FBLN5: variants seen among roughly 807,000 people sequenced by gnomAD.
FBLN5 encodes the protein fibulin-5.
Under a neutral mutation model 61.6 loss-of-function variants are expected in FBLN5, and 24 were observed. The observed-to-expected ratio is 0.39, with a 90% CI of 0.28 to 0.55. FBLN5 has a LOEUF of 0.55. Ranked by LOEUF, FBLN5 falls within the 20% of genes least tolerant of loss-of-function variation. The probability of loss-of-function intolerance (pLI) is 0.65; values close to 1 mark genes in which losing one functional copy is unlikely to be tolerated. For synonymous variants in FBLN5, 213 were observed against 219.8 expected, an observed-to-expected ratio of 0.97 and a Z score of 0.27; for missense variants, 470 against 594.1, an observed-to-expected ratio of 0.79 and a Z score of 2.17.
chr14:91,917,780 A>G (rs1351536569), intron 4 of FBLN5, among the ~76,000 whole-genome samples: 2 of 152,156 alleles, frequency 1.3e-5, no homozygotes, highest in African/African-American at 4.8e-5. Context: ...TTGCTTCATC[A>G]AAAGCCACAG....
At chr14:91,913,890 G>A (rs984597545) in intron 4 of FBLN5, among the ~76,000 whole-genome samples, 3 of 152,178 alleles carry the variant, frequency 2.0e-5, no homozygotes, top group Non-Finnish European at 4.4e-5. Context: ...TGGATAACAA[G>A]AAGTGATTAC....
chr14:91,883,362 C>T (rs1031175397), intron 7 of FBLN5, among the ~76,000 whole-genome samples: 6 of 152,140 alleles, frequency 3.9e-5, no homozygotes, highest in African/African-American at 1.4e-4. Flanking sequence ...CTCGGCTGCA[C>T]CTTCCATTCA....
intron 4 of FBLN5, among the ~76,000 whole-genome samples, chr14:91,914,689 G>T (rs1164028265): frequency 6.6e-6 from 1 of 150,806 alleles, no homozygotes. Flanking sequence ...AGAAAGAAAA[G>T]AATAAAAAAC....
intron 4 of FBLN5, among the ~76,000 whole-genome samples, chr14:91,913,255 T>C (rs1421901311): frequency 6.6e-6 from 1 of 152,142 alleles, no homozygotes; most frequent in Non-Finnish European, 1.5e-5. Flanking sequence ...CATTTCCCCA[T>C]TTTTAAAATG....
At chr14:91,915,460 T>A (rs1595331365) in intron 4 of FBLN5, among the ~76,000 whole-genome samples, 1 of 151,618 alleles carries the variant, frequency 6.6e-6, no homozygotes, top group African/African-American at 2.4e-5. Context: ...CCAAGGCGGG[T>A]GGATCACGAG....
chr14:91,933,461 T>C (rs998135484), intron 4 of FBLN5, among the ~76,000 whole-genome samples: 4 of 151,760 alleles, frequency 2.6e-5, no homozygotes, highest in African/African-American at 9.7e-5. Flanking sequence ...TTTTAGGGGG[T>C]TTCATCATGT....
rs1422855137 is a variant in FBLN5, at chr14:91,947,417, C to A, written c.-188G>T. On this transcript the variant is annotated 5_prime_UTR_variant, in exon 1 of 11. Transcript: ENST00000342058. This position sits in a 1 kb window ranked among gnomAD's most constrained non-coding sequence, Gnocchi z 4.3. ...CGGGGTCCTCCCAGCCACTGCAGAG[C>A]CCTCAGCGCAAGCACCTGGTTTTGC... 1.0e-5 allele frequency: 7 copies of A among 673,554 alleles called. No homozygotes were observed. The highest frequency in any genetic ancestry group is 1.6e-5 in the Non-Finnish European group (6 of 374,366). 41.7% of individuals were successfully genotyped at this position (673,554 alleles called of 1,614,324 possible).
intron 1 of FBLN5, among the ~76,000 whole-genome samples, chr14:91,945,400 C>T (rs1480229869): frequency 6.6e-6 from 1 of 152,014 alleles, no homozygotes; most frequent in Non-Finnish European, 1.5e-5. Flanking sequence ...TGGGGAGCCA[C>T]GACAATGTCC....
chr14:91,938,141 AAG>A (rs2056049494), intron 3 of FBLN5, among the ~76,000 whole-genome samples: 1 of 152,210 alleles, frequency 6.6e-6, no homozygotes, highest in African/African-American at 2.4e-5. Flanking sequence ...TCAGGGGAGA[AAG>A]AGTCTCTTGC....
At chr14:91,935,944 G>A (rs1410356413) in intron 4 of FBLN5, among the ~76,000 whole-genome samples, 6 of 152,102 alleles carry the variant, frequency 3.9e-5, no homozygotes, top group Non-Finnish European at 8.8e-5. Context: ...AGAAGTTTGG[G>A]TTCAAGCATA....
intron 4 of FBLN5, among the ~76,000 whole-genome samples, chr14:91,902,470 T>G (rs1890501144): frequency 6.6e-6 from 1 of 152,192 alleles, no homozygotes; most frequent in Non-Finnish European, 1.5e-5. Context: ...ATTGCCTGAC[T>G]AAATCAGAAT....
chr14:91,914,432 C>A (rs551267464), intron 4 of FBLN5, among the ~76,000 whole-genome samples: 1 of 127,296 alleles, frequency 7.9e-6, no homozygotes, highest in African/African-American at 3.0e-5. Context: ...GAGCCGAGAT[C>A]ATGCCACTGC....
chr14:91,946,677 A>C, intron 1 of FBLN5: 1 of 1,491,504 alleles, frequency 6.7e-7, no homozygotes, highest in Admixed American at 2.0e-5. Context: ...CTGTAATTGC[A>C]ATTTCCTTAA....
At chr14:91,945,830 A>G (rs1167318424) in intron 1 of FBLN5, among the ~76,000 whole-genome samples, 1 of 152,216 alleles carries the variant, frequency 6.6e-6, no homozygotes, top group Non-Finnish European at 1.5e-5. Context: ...GACCTTATAA[A>G]GTGCAGAGCC....
Position 91,882,896 on chromosome 14 carries a change from C to G in FBLN5, c.862+58G>C. 6.3e-7 allele frequency: 1 copy of G among 1,599,734 alleles called. No homozygotes were observed. Among genetic ancestry groups the G allele is most frequent in the East Asian group, 2.3e-5 (1 of 44,432 alleles). The stretch of plus-strand genomic sequence containing the variant: ...CCAGGTGAGGATATCCAGATGAGCC[C>G]CTGAAGCAGCTCCACCTCACACATA... On this transcript the variant is annotated intron_variant, in intron 8 of 10. Coordinates refer to ENST00000342058, the MANE Select transcript of FBLN5 (RefSeq NM_006329.4). This position sits in a 1 kb window ranked among gnomAD's most constrained non-coding sequence, Gnocchi z 4.9.
intron 4 of FBLN5, among the ~76,000 whole-genome samples, chr14:91,932,000 T>C (rs1277957777): frequency 6.6e-6 from 1 of 152,168 alleles, no homozygotes; most frequent in East Asian, 1.9e-4. Context: ...TCTACGTATG[T>C]GTTTGATTTG....
At chr14:91,875,409 C>T (rs778346731) in intron 10 of FBLN5, among the ~76,000 whole-genome samples, 3 of 152,126 alleles carry the variant, frequency 2.0e-5, no homozygotes, top group Admixed American at 6.5e-5. Flanking sequence ...ACTACCACCA[C>T]GGCACATCTG....
chr14:91,929,441 G>A (rs1327915735), intron 4 of FBLN5, among the ~76,000 whole-genome samples: 2 of 152,116 alleles, frequency 1.3e-5, no homozygotes, highest in Non-Finnish European at 2.9e-5. Context: ...ACGACCCTTA[G>A]TATAATACCA....
intron 10 of FBLN5, among the ~76,000 whole-genome samples, chr14:91,875,555 C>T (rs1889125959): frequency 6.6e-6 from 1 of 152,150 alleles, no homozygotes; most frequent in South Asian, 2.1e-4. Flanking sequence ...ACAAAAGCAC[C>T]CTGTGAGAGC....
Sources: allele counts gnomAD v4.1 joint callset (sites outside exome capture counted in the v4.1 genomes callset), GRCh38; gene constraint gnomAD v4.1.1; non-coding constraint Gnocchi (gnomAD v3.1); transcripts MANE v1.5; gene names NCBI Gene and HGNC (gene_info 2026-07-23, HGNC 2026-07-21).